DLG2: variants seen among roughly 807,000 people sequenced by gnomAD.
DLG2 encodes the protein discs large MAGUK scaffold protein 2, also known as disks large homolog 2.
Under a neutral mutation model 132.5 loss-of-function variants are expected in DLG2, and 45 were observed. That is an observed-to-expected ratio of 0.34 (90% CI 0.27 to 0.44). The LOEUF is 0.44. Among genes scored for constraint, DLG2 ranks in the 20% least tolerant of loss-of-function variants. DLG2 has a pLI of 1.00. For synonymous variants in DLG2, 424 were observed against 419.6 expected (o/e 1.01, Z -0.13); for missense variants, 1,045 against 1,196.9 (o/e 0.87, Z 1.87).
At chr11:84,475,532 G>A (rs777318884) in intron 7 of DLG2, among the ~76,000 whole-genome samples, 6 of 152,048 alleles carry the variant, frequency 3.9e-5, no homozygotes, top group Non-Finnish European at 7.4e-5. Flanking sequence ...TTGCCAGTGG[G>A]TGTGTTGAAG....
intron 11 of DLG2, among the ~76,000 whole-genome samples, chr11:84,018,639 C>T (rs181198734): frequency 3.3e-5 from 5 of 151,964 alleles, no homozygotes; most frequent in African/African-American, 1.2e-4. Context: ...TCTGATAATA[C>T]CTCTAGATCC....
intron 10 of DLG2, among the ~76,000 whole-genome samples, chr11:84,073,565 A>C (rs1263265076): frequency 1.3e-5 from 2 of 152,194 alleles, no homozygotes; most frequent in Non-Finnish European, 2.9e-5. Context: ...TAGGGGATGA[A>C]GAGGTGGGGA....
chr11:85,080,470 T>G (rs1349480213), intron 6 of DLG2, among the ~76,000 whole-genome samples: 1 of 152,150 alleles, frequency 6.6e-6, no homozygotes, highest in Non-Finnish European at 1.5e-5. Context: ...TATATTAATT[T>G]AGACAGAGGA....
At chr11:84,149,908 C>T (rs2095238757) in intron 9 of DLG2, among the ~76,000 whole-genome samples, 1 of 151,992 alleles carries the variant, frequency 6.6e-6, no homozygotes, top group Non-Finnish European at 1.5e-5. Flanking sequence ...CAGGCACACG[C>T]CACAATGCCT....
intron 7 of DLG2, among the ~76,000 whole-genome samples, chr11:84,262,312 A>G (rs1168253020): frequency 1.3e-5 from 2 of 152,154 alleles, no homozygotes; most frequent in African/African-American, 4.8e-5. Context: ...TCCACTGTAC[A>G]TTTCAGGAGA....
chr11:84,439,055 G>C (rs1323527526), intron 7 of DLG2, among the ~76,000 whole-genome samples: 1 of 152,192 alleles, frequency 6.6e-6, no homozygotes, highest in Non-Finnish European at 1.5e-5. Context: ...ACAAGACAGT[G>C]TAAGACAGGA....
intron 3 of DLG2, among the ~76,000 whole-genome samples, chr11:85,483,361 A>G (rs1361816273): frequency 2.0e-5 from 3 of 152,206 alleles, no homozygotes; most frequent in African/African-American, 7.2e-5. Flanking sequence ...CCAACTAAGA[A>G]TACTGTATCT....
chr11:84,464,995 A>G (rs2154487054), intron 7 of DLG2, among the ~76,000 whole-genome samples: 1 of 151,348 alleles, frequency 6.6e-6, no homozygotes, highest in African/African-American at 2.4e-5. Context: ...AAACTGACAG[A>G]ATATTCCAGG....
At chr11:85,493,714 G>C (rs542316568) in intron 3 of DLG2, among the ~76,000 whole-genome samples, 2 of 148,188 alleles carry the variant, frequency 1.3e-5, no homozygotes, top group Non-Finnish European at 3.0e-5. Context: ...AGAAAAGGAG[G>C]GGAGGGTAGG....
intron 3 of DLG2, among the ~76,000 whole-genome samples, chr11:85,478,999 T>A (rs2093219772): frequency 6.6e-6 from 1 of 152,144 alleles, no homozygotes; most frequent in Non-Finnish European, 1.5e-5. Flanking sequence ...ATAGAAAGCA[T>A]AAACAATGAA....
intron 7 of DLG2, among the ~76,000 whole-genome samples, chr11:84,424,378 C>T (rs2098960059): frequency 6.6e-6 from 1 of 152,046 alleles, no homozygotes; most frequent in Non-Finnish European, 1.5e-5. Context: ...GGCCAATTAG[C>T]TGAGAAGCTC....
intron 6 of DLG2, among the ~76,000 whole-genome samples, chr11:84,906,424 G>C (rs1487162604): frequency 7.1e-6 from 1 of 141,172 alleles, no homozygotes. Flanking sequence ...AGAGAGCCAA[G>C]GGGTGGCAAT....
intron 4 of DLG2, among the ~76,000 whole-genome samples, chr11:85,229,739 C>G (rs2075187876): frequency 6.6e-6 from 1 of 152,042 alleles, no homozygotes; most frequent in Admixed American, 6.6e-5. Context: ...TGGAACCAAC[C>G]CAAATGCCCA....
At position 83,919,147 on chromosome 11, in the gene DLG2, G is replaced by A. The variant is rs185095945; in HGVS notation, c.1496+11181C>T. ...ATTCACCAACAGGCCCTATAAGGAG[G>A]GAAAGAATAACCACAGAACTCCAGC... On this transcript the variant is annotated intron_variant, in intron 15 of 27. Transcript: ENST00000376104. 4.2e-3 allele frequency among the ~76,000 whole-genome samples: 635 copies of A among 152,204 alleles called. 5 individuals are homozygous for A. The highest frequency in any genetic ancestry group is 0.015 in the African/African-American group (606 of 41,538).
upstream of DLG2, among the ~76,000 whole-genome samples, chr11:85,628,349 C>G (rs2082124485): frequency 6.6e-6 from 1 of 152,192 alleles, no homozygotes. Context: ...GGGAGCTAAG[C>G]TGATAAATAG....
chr11:85,117,949 G>A (rs1327251406), intron 5 of DLG2, among the ~76,000 whole-genome samples: 1 of 151,996 alleles, frequency 6.6e-6, no homozygotes, highest in African/African-American at 2.4e-5. Flanking sequence ...AACAAACAAT[G>A]GGGAATCCAA....
intron 7 of DLG2, among the ~76,000 whole-genome samples, chr11:84,413,406 T>C (rs961878122): frequency 2.0e-5 from 3 of 152,184 alleles, no homozygotes; most frequent in Non-Finnish European, 2.9e-5. Context: ...AGGCAGAAGA[T>C]ATTTGAGTTG....
At chr11:84,487,235 A>T (rs982206451) in intron 7 of DLG2, among the ~76,000 whole-genome samples, 2 of 152,188 alleles carry the variant, frequency 1.3e-5, no homozygotes, top group African/African-American at 4.8e-5. Context: ...ATATATGAGT[A>T]CCGATGACAA....
At chr11:83,857,832 A>G (rs1438726999) in intron 16 of DLG2, among the ~76,000 whole-genome samples, 1 of 123,964 alleles carries the variant, frequency 8.1e-6, no homozygotes, top group South Asian at 2.6e-4. Context: ...TTTTTTTTTT[A>G]CTATGAACCT....
Sources: gnomAD v4.1 joint callset for allele counts (sites outside exome capture counted in the v4.1 genomes callset) on GRCh38, gnomAD v4.1.1 for gene constraint, MANE v1.5 for transcripts, NCBI Gene and HGNC (gene_info 2026-07-23, HGNC 2026-07-21) for gene names.